Variants in SYN2 observed in about 807,000 individuals in gnomAD.
SYN2 encodes synapsin II.
SYN2 carries 19 observed loss-of-function variants against 50.9 expected under a neutral mutation model. That is an observed-to-expected ratio of 0.37 (90% CI 0.26 to 0.55). The LOEUF is 0.55. SYN2 is among the 20% of genes least tolerant of loss of function. SYN2 has a pLI of 0.81. For synonymous variants in SYN2, 255 were observed against 224.9 expected (o/e 1.13, Z -1.20); for missense variants, 587 against 576.4 (o/e 1.02, Z -0.19).
intron 1 of SYN2, among the ~76,000 whole-genome samples, chr3:12,050,450 A>C (rs1274470006): frequency 6.8e-6 from 1 of 146,454 alleles, no homozygotes; most frequent in Admixed American, 7.1e-5. Flanking sequence ...GGTTCAAGTG[A>C]TTCTTCTGCC....
chr3:12,128,181 G>A (rs1255161897), intron 1 of SYN2, among the ~76,000 whole-genome samples: 2 of 152,142 alleles, frequency 1.3e-5, no homozygotes, highest in East Asian at 1.9e-4. Context: ...CTGGACTCAA[G>A]TAATCCTCCC....
intron 1 of SYN2, among the ~76,000 whole-genome samples, chr3:12,025,430 A>G (rs1316478784): frequency 1.3e-5 from 2 of 152,208 alleles, no homozygotes; most frequent in African/African-American, 4.8e-5. Flanking sequence ...GCTGTGTATG[A>G]GATACTGCCT....
intron 10 of SYN2, among the ~76,000 whole-genome samples, chr3:12,182,991 C>A (rs1222221692): frequency 6.6e-6 from 1 of 152,196 alleles, no homozygotes; most frequent in African/African-American, 2.4e-5. Context: ...AGAAAAGAAA[C>A]CAGGTGGTGC....
At chr3:12,021,566 A>T (rs1215122721) in intron 1 of SYN2, among the ~76,000 whole-genome samples, 2 of 152,170 alleles carry the variant, frequency 1.3e-5, no homozygotes, top group South Asian at 4.1e-4. Flanking sequence ...GCATAGCAAC[A>T]TCTTGTTTCT....
At chr3:12,127,953 A>ATTTTTTT (rs35724854) in intron 1 of SYN2, among the ~76,000 whole-genome samples, 1 of 149,626 alleles carries the variant, frequency 6.7e-6, no homozygotes, top group Non-Finnish European at 1.5e-5. Flanking sequence ...AGCTGTTTAC[A>ATTTTTTT]TTTTTTTTTT....
intron 1 of SYN2, among the ~76,000 whole-genome samples, chr3:12,096,069 G>C (rs1395049942): frequency 1.3e-5 from 2 of 152,126 alleles, no homozygotes; most frequent in African/African-American, 4.8e-5. Flanking sequence ...GGTCACTTTT[G>C]ATACCTTCCC....
At chr3:12,179,163 T>C (rs922433687) in intron 10 of SYN2, among the ~76,000 whole-genome samples, 1 of 152,120 alleles carries the variant, frequency 6.6e-6, no homozygotes, top group Non-Finnish European at 1.5e-5. Flanking sequence ...AGATTCAGCG[T>C]AGCAGGATAC....
At chr3:12,151,716 CTAAT>C in intron 5 of SYN2, among the ~76,000 whole-genome samples, 1 of 152,160 alleles carries the variant, frequency 6.6e-6, no homozygotes, top group Non-Finnish European at 1.5e-5. Flanking sequence ...ACAGGATATT[CTAAT>C]ATGGTACAGA....
intron 9 of SYN2, among the ~76,000 whole-genome samples, chr3:12,169,547 C>T (rs572653579): frequency 0.011 from 1,653 of 152,200 alleles, 14 homozygotes; most frequent in Non-Finnish European, 0.015. Context: ...ACGGGTAAAG[C>T]TTGGGGAAAA....
chr3:12,136,450 C>G (rs1468611179), intron 1 of SYN2, among the ~76,000 whole-genome samples: 1 of 152,176 alleles, frequency 6.6e-6, no homozygotes, highest in Non-Finnish European at 1.5e-5. Flanking sequence ...AGTCACACAG[C>G]TGAAAAGTGG....
At chr3:12,049,522 A>AG (rs1491223310) in intron 1 of SYN2, among the ~76,000 whole-genome samples, 13,645 of 45,990 alleles carry the variant, frequency 0.3, 2,041 homozygotes, top group African/African-American at 0.48. Context: ...CCGTCTCAAA[A>AG]AAAAAAAAAT....
chr3:12,064,805 AAC>A (rs1695176843), intron 1 of SYN2, among the ~76,000 whole-genome samples: 2 of 152,112 alleles, frequency 1.3e-5, no homozygotes, highest in Admixed American at 6.6e-5. Flanking sequence ...CACTTGGAAA[AAC>A]AGTTTGTCAG....
chr3:12,093,555 C>T (rs1224730758), intron 1 of SYN2, among the ~76,000 whole-genome samples: 1 of 152,106 alleles, frequency 6.6e-6, no homozygotes, highest in Admixed American at 6.6e-5. Context: ...TAATAATGGG[C>T]TTAAATTTTT....
intron 1 of SYN2, among the ~76,000 whole-genome samples, chr3:12,021,825 G>A (rs1283548029): frequency 6.6e-6 from 1 of 151,894 alleles, no homozygotes; most frequent in African/African-American, 2.4e-5. Flanking sequence ...AGCACTTTGG[G>A]AGGCCGAGGT....
intron 1 of SYN2, among the ~76,000 whole-genome samples, chr3:12,052,906 G>A (rs1694900020): frequency 6.6e-6 from 1 of 152,118 alleles, no homozygotes; most frequent in African/African-American, 2.4e-5. Flanking sequence ...ACCCAAACAT[G>A]CTACTTTGAG....
chr3:12,109,751 G>T (rs1696273999), intron 1 of SYN2, among the ~76,000 whole-genome samples: 1 of 152,200 alleles, frequency 6.6e-6, no homozygotes, highest in South Asian at 2.1e-4. Flanking sequence ...TTGGAGGGAA[G>T]TCTGCCCGTG....
intron 1 of SYN2, among the ~76,000 whole-genome samples, chr3:12,088,617 C>T (rs1462668803): frequency 6.6e-6 from 1 of 152,008 alleles, no homozygotes; most frequent in African/African-American, 2.4e-5. Context: ...ATTACAGTAA[C>T]CAAGATATGG....
At chr3:12,160,351 C>T (rs1431407670) in intron 5 of SYN2, among the ~76,000 whole-genome samples, 1 of 152,162 alleles carries the variant, frequency 6.6e-6, no homozygotes, top group Non-Finnish European at 1.5e-5. Flanking sequence ...TCTTCCCATC[C>T]TTGGCTGGCC....
At chr3:12,101,475 G>A (rs1363529549) in intron 1 of SYN2, among the ~76,000 whole-genome samples, 3 of 152,232 alleles carry the variant, frequency 2.0e-5, no homozygotes, top group East Asian at 1.9e-4. Flanking sequence ...ATTGTCGGAG[G>A]CTGGGTAAAG....
Sources: allele counts gnomAD v4.1 joint callset (sites outside exome capture counted in the v4.1 genomes callset), GRCh38; gene constraint gnomAD v4.1.1; transcripts MANE v1.5; gene names NCBI Gene and HGNC (gene_info 2026-07-23, HGNC 2026-07-21).